KANSL1: variants seen among roughly 807,000 people sequenced by gnomAD.
The protein encoded by KANSL1 is MLL1/MLL complex subunit KANSL1.
In KANSL1, 22 loss-of-function variants were observed where a neutral mutation model predicts 103.6. The ratio of observed to expected loss-of-function variants is 0.21; its 90% CI spans 0.15 to 0.30. The LOEUF (loss-of-function observed/expected upper bound fraction) is 0.30. Ranked by LOEUF, KANSL1 falls within the 10% of genes least tolerant of loss-of-function variation. KANSL1 has a pLI of 1.00. For synonymous variants in KANSL1, 600 were observed against 527.6 expected (o/e 1.14, Z -1.88); for missense variants, 1,337 against 1,399.8 (o/e 0.96, Z 0.72).
chr17:46,108,301 T>C lies in KANSL1; in HGVS notation c.1290-13600A>G, dbSNP rs569940936. Among the ~76,000 whole-genome samples the C allele has an allele frequency of 2.6e-5, 4 of 152,282 alleles. No individual in the cohort carries two copies. The South Asian group carries it at 6.2e-4, about 24-fold the overall frequency. On this transcript the variant is annotated intron_variant, in intron 2 of 14. Coordinates refer to ENST00000432791, the MANE Select transcript of KANSL1 (RefSeq NM_015443.4). ...TCCAGTCACTGCTGTTTGCTGAACA[T>C]GTTAGGCAAGCTGTCACCCACAGGA...
chr17:46,092,285 A>G (rs1213960079), intron 3 of KANSL1, among the ~76,000 whole-genome samples: 2 of 152,202 alleles, frequency 1.3e-5, no homozygotes, highest in Non-Finnish European at 2.9e-5. Flanking sequence ...TACTTTTCAG[A>G]TATTTTGATA....
At position 46,121,961 on chromosome 17, in the gene KANSL1, C is replaced by T. The variant is rs534695623; in HGVS notation, c.1290-27260G>A. Among the ~76,000 whole-genome samples the T allele has an allele frequency of 3.3e-5, 5 of 152,302 alleles. No individual in the cohort carries two copies. The East Asian group carries it at 9.7e-4, about 29-fold the overall frequency. The stretch of plus-strand genomic sequence containing the variant: ...ATCTAACACAAAGCCTATTTTATAA[C>T]AAAGCATGAATAACTCATTTACTGA... On this transcript the variant is annotated intron_variant, in intron 2 of 14. Coordinates refer to ENST00000432791, the MANE Select transcript of KANSL1 (RefSeq NM_015443.4).
At position 46,033,165 on chromosome 17, in the gene KANSL1, C is replaced by A. The variant is rs752325882; in HGVS notation, c.2752G>T (p.Ala918Ser). 18 of 1,604,720 alleles carry A rather than the reference C, an allele frequency of 1.1e-5. No individual in the cohort carries two copies. The highest frequency in any genetic ancestry group is 1.5e-5 in the Non-Finnish European group (18 of 1,175,286). The change falls in exon 13 of 15, where the codon GCC becomes TCC. Residue 918 changes from alanine (A) to serine (S), a missense_variant. Physicochemically the swap from Ala to Ser is moderately conservative, Grantham distance 99. Coordinates refer to ENST00000432791, the MANE Select transcript of KANSL1 (RefSeq NM_015443.4). ...TCCTCACATTTGGCATGCAGGGCGG[C>A]GAAGGCTGCGTCGGATAGGTCCTCA... ...EIEDLSDAAF[A>S]ALHAKCEEME... is the part of the protein sequence containing the mutation.
chr17:46,071,688 T>C (rs1229476556), intron 4 of KANSL1, among the ~76,000 whole-genome samples: 1 of 152,224 alleles, frequency 6.6e-6, no homozygotes, highest in Non-Finnish European at 1.5e-5. Flanking sequence ...AACTAAAGCA[T>C]GACTGAGATA....
At chr17:46,198,432 A>T (rs1304448348), upstream of KANSL1, among the ~76,000 whole-genome samples, 1 of 149,018 alleles carries the variant, frequency 6.7e-6, no homozygotes, top group Non-Finnish European at 1.5e-5. Flanking sequence ...TAAAAAAAAA[A>T]AAAAAAAAAA....
intron 3 of KANSL1, among the ~76,000 whole-genome samples, chr17:46,086,313 A>G (rs2079162196): frequency 1.3e-5 from 2 of 152,218 alleles, no homozygotes; most frequent in Non-Finnish European, 2.9e-5. Flanking sequence ...CCATCTATTC[A>G]TCGACATAAT....
At chr17:46,151,276 G>A (rs1423122247) in intron 2 of KANSL1, among the ~76,000 whole-genome samples, 1 of 152,202 alleles carries the variant, frequency 6.6e-6, no homozygotes, top group African/African-American at 2.4e-5. Flanking sequence ...GCCACCCCGG[G>A]CTTACTGATG....
intron 1 of KANSL1, among the ~76,000 whole-genome samples, chr17:46,181,816 T>C (rs2046808186): frequency 1.3e-5 from 2 of 151,956 alleles, no homozygotes; most frequent in African/African-American, 2.4e-5. Flanking sequence ...GACCCAGAAC[T>C]CCCCACAGAT....
chr17:46,199,008 T>G (rs1597953705), intron 1 of KANSL1, among the ~76,000 whole-genome samples: 1 of 152,234 alleles, frequency 6.6e-6, no homozygotes, highest in Non-Finnish European at 1.5e-5. Context: ...AAGAAACATC[T>G]TTAAGCTGAA....
intron 3 of KANSL1, among the ~76,000 whole-genome samples, chr17:46,087,973 C>T (rs1215560678): frequency 6.6e-6 from 1 of 152,172 alleles, no homozygotes; most frequent in Non-Finnish European, 1.5e-5. Context: ...TGCCATTAGC[C>T]TGGTGGCAAT....
chr17:46,068,958 C>T (rs1376128236), intron 4 of KANSL1, among the ~76,000 whole-genome samples: 1 of 152,132 alleles, frequency 6.6e-6, no homozygotes, highest in African/African-American at 2.4e-5. Flanking sequence ...TGAAGTCTCG[C>T]TATCCCGCCC....
chr17:46,075,107 T>C (rs1347478086), intron 4 of KANSL1, among the ~76,000 whole-genome samples: 2 of 152,096 alleles, frequency 1.3e-5, no homozygotes, highest in African/African-American at 4.8e-5. Flanking sequence ...TGAAGGACAT[T>C]TAGAGATGCA....
At chr17:46,062,487 T>C (rs919260044) in intron 6 of KANSL1, among the ~76,000 whole-genome samples, 1 of 149,980 alleles carries the variant, frequency 6.7e-6, no homozygotes, top group African/African-American at 2.4e-5. Flanking sequence ...GCCTCTCGAG[T>C]AGCTGGGATT....
rs184748789 is a variant in KANSL1 at position 46,167,992 on chromosome 17, T to C, written c.1289+2863A>G. ...CTCTACTAAATATTTTCATCAGGGC[T>C]GCCTAGACGAAACCTAGCCCACCAC... On this transcript the variant is annotated intron_variant, in intron 2 of 14. Coordinates refer to ENST00000432791, the MANE Select transcript of KANSL1 (RefSeq NM_015443.4). Among the ~76,000 whole-genome samples the C allele has an allele frequency of 5.6e-4, 85 of 152,356 alleles. 1 individual carries two copies. The Middle Eastern group carries it at 0.01, about 18-fold the overall frequency.
intron 2 of KANSL1, among the ~76,000 whole-genome samples, chr17:46,145,810 C>G (rs1243037894): frequency 6.6e-6 from 1 of 152,188 alleles, no homozygotes; most frequent in African/African-American, 2.4e-5. Flanking sequence ...TTCACTCCAA[C>G]CTCCACCTCC....
Position 46,031,448 on chromosome 17 carries a change from T to G in KANSL1, c.*28A>C. The G allele has an allele frequency of 2.4e-5, 38 of 1,551,536 alleles. No individual in the cohort carries two copies. The highest frequency in any genetic ancestry group is 3.1e-5 in the Non-Finnish European group (35 of 1,136,324). Reference sequence around the variant, plus strand: ...CTGAAGCTTTAATGCCAATAGTTAGTGAGTCTGTTTAGATGGCTGTCTCCC... The same window carrying G: ...CTGAAGCTTTAATGCCAATAGTTAGGGAGTCTGTTTAGATGGCTGTCTCCC... On this transcript the variant is annotated 3_prime_UTR_variant, in exon 15 of 15. Coordinates refer to ENST00000432791, the MANE Select transcript of KANSL1 (RefSeq NM_015443.4).
chr17:46,112,489 G>C (rs79772780), intron 2 of KANSL1, among the ~76,000 whole-genome samples: 3 of 149,424 alleles, frequency 2.0e-5, no homozygotes, highest in Non-Finnish European at 3.0e-5. Flanking sequence ...ATTCGAGACC[G>C]GCGTGGCCAA....
chr17:46,086,419 C>T (rs1254574211), intron 3 of KANSL1, among the ~76,000 whole-genome samples: 1 of 152,194 alleles, frequency 6.6e-6, no homozygotes, highest in Non-Finnish European at 1.5e-5. Context: ...ACTAATATTT[C>T]ATTCCTCTTT....
At chr17:46,100,123 T>C (rs141902469) in intron 2 of KANSL1, among the ~76,000 whole-genome samples, 3 of 152,328 alleles carry the variant, frequency 2.0e-5, no homozygotes, top group East Asian at 1.9e-4. Flanking sequence ...CTGTTGACTC[T>C]AAGAACATAG....
Sources: allele counts gnomAD v4.1 joint callset (sites outside exome capture counted in the v4.1 genomes callset), GRCh38; gene constraint gnomAD v4.1.1; transcripts MANE v1.5; gene names NCBI Gene and HGNC (gene_info 2026-07-23, HGNC 2026-07-21).